The following JPH2 variants were observed in gnomAD, a reference collection of about 807,000 sequenced individuals.
JPH2 encodes the protein junctophilin 2.
JPH2 carries 38 observed loss-of-function variants against 55.9 expected under a neutral mutation model. The ratio of observed to expected loss-of-function variants is 0.68; its 90% CI spans 0.52 to 0.89. The LOEUF is 0.89. Ranked by LOEUF, JPH2 falls within the 40% of genes least tolerant of loss-of-function variation. JPH2 has a pLI of 0.00. For synonymous variants in JPH2, 480 were observed against 472.4 expected, an observed-to-expected ratio of 1.02 and a Z score of -0.21; for missense variants, 964 against 1,037.6, an observed-to-expected ratio of 0.93 and a Z score of 0.97.
chr20:44,159,650 G>C lies in JPH2; in HGVS notation c.1137C>G (p.Ile379Met). Residue 379 changes from isoleucine (I) to methionine (M), a missense_variant, in exon 2 of 6, where the codon ATC becomes ATG. By Grantham distance (10) the Ile-to-Met change is conservative. Transcript: ENST00000372980. This position sits in a 1 kb window ranked among gnomAD's most constrained non-coding sequence, Gnocchi z 5.7. ...CGGCAATCTCGGCCTTCTGGCGCGC[G>C]ATAGCAGCGGCGCGCTGGGCACCCT... ...SVEGAQRAAA[I>M]ARQKAEIAAS... 6.2e-7 allele frequency: 1 copy of C among 1,607,918 alleles called. No homozygotes were observed. The highest frequency in any genetic ancestry group is 8.5e-7 in the Non-Finnish European group (1 of 1,179,896).
At position 44,159,518 on chromosome 20, in the gene JPH2, G is replaced by A; in HGVS notation, c.1169+100C>T. 7.9e-7 allele frequency: 1 copy of A among 1,260,496 alleles called. No homozygotes were observed. The highest frequency in any genetic ancestry group is 1.1e-6 in the Non-Finnish European group (1 of 900,506). The allele number at this position is 1,260,496 out of a possible 1,614,324, so 78.1% of individuals were successfully genotyped here. A position where few individuals can be genotyped will look rare whatever the true frequency, so the allele number is the denominator to read the frequency against. Reference sequence around the variant, plus strand: ...CCTGAAGGTGATGGGGGTAAAAGAAGCAGAATCAGGCTTGGAGACAGGGCC... The same window carrying A: ...CCTGAAGGTGATGGGGGTAAAAGAAACAGAATCAGGCTTGGAGACAGGGCC... On this transcript the variant is annotated intron_variant, in intron 2 of 5. Transcript: ENST00000372980. This position sits in a 1 kb window ranked among gnomAD's most constrained non-coding sequence, Gnocchi z 5.7.
At chr20:44,132,646 C>G (rs1425606247) in intron 2 of JPH2, among the ~76,000 whole-genome samples, 35 of 141,344 alleles carry the variant, frequency 2.5e-4, no homozygotes, top group African/African-American at 9.2e-4. Context: ...TCTCACCCAC[C>G]CCCACCGTCC....
At position 44,109,455 on chromosome 20, in the gene JPH2, C is replaced by A. The variant is rs955394740; in HGVS notation, c.*4063G>T. 6.6e-6 allele frequency among the ~76,000 whole-genome samples: 1 copy of A among 152,100 alleles called. No homozygotes were observed. The highest frequency in any genetic ancestry group is 1.5e-5 in the Non-Finnish European group (1 of 68,020). ...TAAGGGACAGAGCCAAGATTTGAAC[C>A]AGCAACCATGTTCTGAACCACACAG... On this transcript the variant is annotated 3_prime_UTR_variant, in exon 6 of 6. Transcript: ENST00000372980.
chr20:44,175,194 GCTGTTCACCAGT>G (rs1271814113), intron 1 of JPH2, among the ~76,000 whole-genome samples: 4 of 152,080 alleles, frequency 2.6e-5, no homozygotes, highest in Non-Finnish European at 4.4e-5. Flanking sequence ...TAAAAGATTA[GCTGTTCACCAGT>G]CTGCCACTGA....
chr20:44,156,550 T>C (rs2072567943), intron 2 of JPH2, among the ~76,000 whole-genome samples: 1 of 152,096 alleles, frequency 6.6e-6, no homozygotes, highest in Non-Finnish European at 1.5e-5. Context: ...GTGGGTTCAG[T>C]CTCTGGTGAG....
At chr20:44,166,033 T>G (rs1470048532) in intron 1 of JPH2, among the ~76,000 whole-genome samples, 1 of 152,238 alleles carries the variant, frequency 6.6e-6, no homozygotes, top group Non-Finnish European at 1.5e-5. Context: ...TCTTTTCTTT[T>G]TTTGTTCACT....
At position 44,118,622 on chromosome 20, in the gene JPH2, T is replaced by C; in HGVS notation, c.1171A>G (p.Thr391Ala). The change falls in exon 3 of 6, where the codon ACA (threonine) becomes GCA (alanine). Residue 391 changes from threonine (T) to alanine (A), a missense_variant and splice_region_variant. Transcript: ENST00000372980. The part of the protein sequence containing the change: ...RQKAEIAASR[T>A]SHAKAKAEAA... ...TCAGCTTTGGCCTTGGCGTGGCTTG[T>C]CCTATGGAGACAATGTGGCAGAAGA... is the stretch of plus-strand genomic sequence containing the variant. 6.2e-7 allele frequency: 1 copy of C among 1,608,050 alleles called. No individual in the cohort carries two copies. Among genetic ancestry groups the C allele is most frequent in the Non-Finnish European group, 8.5e-7 (1 of 1,179,318 alleles).
intron 1 of JPH2, among the ~76,000 whole-genome samples, chr20:44,165,211 C>A (rs776423934): frequency 6.6e-6 from 1 of 151,252 alleles, no homozygotes; most frequent in Non-Finnish European, 1.5e-5. Context: ...ATTTCAAATG[C>A]ATTTTATCAT....
intron 2 of JPH2, among the ~76,000 whole-genome samples, chr20:44,124,478 T>A (rs552951429): frequency 6.6e-6 from 1 of 152,192 alleles, no homozygotes; most frequent in Admixed American, 6.5e-5. Context: ...GCTAGGCACT[T>A]TTCTGGGCAC....
At chr20:44,174,228 C>G (rs924333973) in intron 1 of JPH2, among the ~76,000 whole-genome samples, 4 of 152,174 alleles carry the variant, frequency 2.6e-5, no homozygotes, top group Non-Finnish European at 4.4e-5. Flanking sequence ...CAAGGCCACA[C>G]AGCCCAGGAG....
In JPH2 at chr20:44,115,852, G is replaced by A. The variant is rs750776027; in HGVS notation, c.1823C>T (p.Thr608Met). The change falls in exon 4 of 6, where the codon ACG becomes ATG. Residue 608 changes from threonine (T) to methionine (M), a missense_variant. Transcript: ENST00000372980. ...GCGTGCAGGCTCGGGGCCTCGGAGCGTGGGGGCCTGCAGCGGGGCGGTGGC... is the reference window on the plus strand; with the variant it reads ...GCGTGCAGGCTCGGGGCCTCGGAGCATGGGGGCCTGCAGCGGGGCGGTGGC... ...SPATAPLQAP[T>M]LRGPEPARET... 4.4e-6 allele frequency: 7 copies of A among 1,591,948 alleles called. No individual in the cohort carries two copies. Among genetic ancestry groups the A allele is most frequent in the South Asian group, 2.2e-5 (2 of 90,472 alleles).
intron 1 of JPH2, chr20:44,176,779 G>A (rs899542990): frequency 1.2e-6 from 1 of 803,496 alleles, no homozygotes; most frequent in Non-Finnish European, 1.5e-6. Context: ...GGGTGACAGA[G>A]CAAGACCCTG....
At chr20:44,182,294 T>A (rs1321425308) in intron 1 of JPH2, among the ~76,000 whole-genome samples, 1 of 151,994 alleles carries the variant, frequency 6.6e-6, no homozygotes, top group Non-Finnish European at 1.5e-5. Flanking sequence ...ATTAAAGAGA[T>A]TTTCCGAAGC....
Position 44,124,719 on chromosome 20 carries a change from C to T in JPH2, c.1170-6096G>A, listed in dbSNP as rs141432348. On this transcript the variant is annotated intron_variant, in intron 2 of 5. Coordinates refer to ENST00000372980, the MANE Select transcript of JPH2 (RefSeq NM_020433.5). ...CTTGCAGAGGTTACATTCCAGGGCA[C>T]GGGTCAGCAGATGACAGTGGTAGGC... Among the ~76,000 whole-genome samples the T allele has an allele frequency of 7.9e-5, 12 of 151,716 alleles. No homozygotes were observed. In the East Asian group the frequency reaches 1.4e-3, roughly 17 times the overall value.
intron 1 of JPH2, chr20:44,177,809 A>T: frequency 6.4e-7 from 1 of 1,569,618 alleles, no homozygotes; most frequent in Non-Finnish European, 8.7e-7. Flanking sequence ...GAAGACAGTG[A>T]CAGCTATGGT....
chr20:44,162,785 TATACACACAC>T (rs1236912252), intron 1 of JPH2, among the ~76,000 whole-genome samples: 11 of 49,996 alleles, frequency 2.2e-4, no homozygotes, highest in African/African-American at 9.8e-4. Context: ...TATATATATA[TATACACACAC>T]ACACACACAC....
chr20:44,167,608 A>G (rs1384654953), intron 1 of JPH2, among the ~76,000 whole-genome samples: 1 of 151,926 alleles, frequency 6.6e-6, no homozygotes, highest in African/African-American at 2.4e-5. Flanking sequence ...CCCCGATAGG[A>G]CTCCCGAAAT....
chr20:44,114,762 C>T lies in JPH2; in HGVS notation c.*14+20G>A, dbSNP rs769338729. The T allele has an allele frequency of 3.8e-6, 6 of 1,565,980 alleles. No homozygotes were observed. In the East Asian group the frequency reaches 1.1e-4, roughly 30 times the overall value. Reference sequence around the variant, plus strand: ...AGGGGCTCCTGCCCCCCAACCCCTCCTCCAGCCAGCTGGCTGCACCTGGTA... The same window carrying T: ...AGGGGCTCCTGCCCCCCAACCCCTCTTCCAGCCAGCTGGCTGCACCTGGTA... On this transcript the variant is annotated intron_variant, in intron 5 of 5. Transcript: ENST00000372980.
At chr20:44,185,129 T>C (rs2072821948) in intron 1 of JPH2, among the ~76,000 whole-genome samples, 1 of 151,804 alleles carries the variant, frequency 6.6e-6, no homozygotes, top group Non-Finnish European at 1.5e-5. Flanking sequence ...TAAGACCCCA[T>C]CTCTACAAAA....
Sources: allele counts gnomAD v4.1 joint callset (sites outside exome capture counted in the v4.1 genomes callset), GRCh38; gene constraint gnomAD v4.1.1; non-coding constraint Gnocchi (gnomAD v3.1); transcripts MANE v1.5; gene names NCBI Gene and HGNC (gene_info 2026-07-23, HGNC 2026-07-21).